POLK: variants seen among roughly 807,000 people sequenced by gnomAD.
POLK encodes polymerase (DNA directed) kappa.
Under a neutral mutation model 94.0 loss-of-function variants are expected in POLK, and 76 were observed. That is an observed-to-expected ratio of 0.81 (90% CI 0.67 to 0.98). The LOEUF (loss-of-function observed/expected upper bound fraction) is 0.98. POLK is among the 50% of genes least tolerant of loss of function. The pLI is 0.00. For missense variants in POLK, 954 were observed against 1,010.1 expected (o/e 0.94, Z 0.75); for synonymous variants, 349 against 325.4 (o/e 1.07, Z -0.78).
chr5:75,543,303 G>T (rs143793252), intron 1 of POLK, among the ~76,000 whole-genome samples: 3 of 152,132 alleles, frequency 2.0e-5, no homozygotes, highest in Non-Finnish European at 2.9e-5. Context: ...GCCTCCCAAA[G>T]TGCTGGGATT....
the POLK span, among the ~76,000 whole-genome samples, chr5:75,608,296 C>T: frequency 6.6e-6 from 1 of 152,052 alleles, no homozygotes; most frequent in African/African-American, 2.4e-5. Context: ...GTGGCTCAGG[C>T]CATACTCCCA....
Position 75,525,679 on chromosome 5 carries a change from A to G in POLK, c.-14+13765A>G, listed in dbSNP as rs574042115. Reference sequence around the variant, plus strand: ...GGAAAACATACATAGAGGAACAACAATTTGAGTGATCATGGCCTTAGCAGA... The same window carrying G: ...GGAAAACATACATAGAGGAACAACAGTTTGAGTGATCATGGCCTTAGCAGA... On this transcript the variant is annotated intron_variant, in intron 1 of 14. Coordinates refer to ENST00000241436, the Ensembl canonical transcript of POLK. Among the ~76,000 whole-genome samples the G allele has an allele frequency of 1.6e-4, 25 of 152,362 alleles. 1 individual carries two copies. The South Asian group carries it at 4.8e-3, about 29-fold the overall frequency.
rs58797043 is a variant in POLK at position 75,527,502 on chromosome 5, TACACACACACAC to T, written c.-14+15616_-14+15627del. Among the ~76,000 whole-genome samples, 138 of 133,028 alleles carry T rather than the reference TACACACACACAC, an allele frequency of 1.0e-3. 1 individual carries two copies. Among genetic ancestry groups the T allele is most frequent in the Admixed American group, 4.2e-3 (55 of 13,192 alleles). The allele number at this position is 133,028 out of a possible 152,430, so 87.3% of individuals were successfully genotyped here. On this transcript the variant is annotated intron_variant, in intron 1 of 14. Coordinates refer to ENST00000241436, the Ensembl canonical transcript of POLK. ...CTCAAAAAAAAAAAAAATTTATATA[TACACACACACAC>T]ACACACACACACACACACACACACA...
At chr5:75,572,541 C>G (rs1306643517) in intron 4 of POLK, among the ~76,000 whole-genome samples, 1 of 152,118 alleles carries the variant, frequency 6.6e-6, no homozygotes, top group Admixed American at 6.6e-5. Context: ...ACTTACCATA[C>G]TATTACTTTC....
rs374596608 is a variant in POLK, at chr5:75,549,270, T to C, written c.135+2113T>C. Reference sequence around the variant, plus strand: ...ATGTCCCTATCTATCTGATCCTCCCTCTCTATTCTCTGTGACCCAGTACAA... The same window carrying C: ...ATGTCCCTATCTATCTGATCCTCCCCCTCTATTCTCTGTGACCCAGTACAA... On this transcript the variant is annotated intron_variant, in intron 2 of 14. Transcript: ENST00000241436. Among the ~76,000 whole-genome samples, 25 of 152,208 alleles carry C rather than the reference T, an allele frequency of 1.6e-4. No homozygotes were observed. The East Asian group carries it at 2.5e-3, about 15-fold the overall frequency.
chr5:75,568,581 TTTAAAGA>T, intron 3 of POLK: 1 of 218,660 alleles, frequency 4.6e-6, no homozygotes, highest in South Asian at 4.9e-5. Context: ...ACTAAAATTC[TTTAAAGA>T]TTAAGAATCT....
At chr5:75,598,552 C>G (rs919110030) in exon 15 of POLK, 1 of 152,374 alleles carries the variant, frequency 6.6e-6, no homozygotes, top group South Asian at 2.1e-4. Context: ...TGGTTTTTGC[C>G]TAAAATATAA....
At chr5:75,594,231 C>T (rs769602910) in intron 12 of POLK, among the ~76,000 whole-genome samples, 182 bp downstream of exon 12, 1 of 152,118 alleles carries the variant, frequency 6.6e-6, no homozygotes, top group Non-Finnish European at 1.5e-5. Flanking sequence ...GGTTACATCC[C>T]GATAAACCCA....
chr5:75,515,767 C>G (rs1459371866), intron 1 of POLK, among the ~76,000 whole-genome samples: 1 of 152,146 alleles, frequency 6.6e-6, no homozygotes, highest in East Asian at 1.9e-4. Flanking sequence ...TTGCCACCAT[C>G]CATTATTCTC....
upstream of POLK, chr5:75,511,669 C>A (rs1580883519): frequency 6.6e-7 from 1 of 1,521,258 alleles, no homozygotes; most frequent in Non-Finnish European, 8.8e-7. Flanking sequence ...CCTTCGTCCT[C>A]CCATTCTCCC....
chr5:75,569,104 A>G (rs1429843077), intron 3 of POLK, among the ~76,000 whole-genome samples: 5 of 152,328 alleles, frequency 3.3e-5, no homozygotes, highest in South Asian at 2.1e-4. Flanking sequence ...AATACAATAT[A>G]CATAGATAAA....
At chr5:75,511,906 A>G in exon 1 of POLK, 1 of 1,341,618 alleles carries the variant, frequency 7.5e-7, no homozygotes, top group East Asian at 2.6e-5. Flanking sequence ...CGCGATCCTG[A>G]GGTAACGGGT....
At chr5:75,561,350 G>A (rs1269931505) in intron 3 of POLK, among the ~76,000 whole-genome samples, 1 of 152,116 alleles carries the variant, frequency 6.6e-6, no homozygotes, top group Non-Finnish European at 1.5e-5. Flanking sequence ...TTTTGATGGG[G>A]TTGTTTGGTT....
intron 3 of POLK, among the ~76,000 whole-genome samples, chr5:75,568,441 A>G (rs1291999698): frequency 6.6e-6 from 1 of 152,202 alleles, no homozygotes; most frequent in Admixed American, 6.5e-5. Flanking sequence ...GAGGCCGGCC[A>G]CAAAAATGGA....
At chr5:75,593,734 T>G (rs975176066) in intron 11 of POLK, 144 bp from the exon 12 acceptor site, 2 of 481,056 alleles carry the variant, frequency 4.2e-6, no homozygotes, top group African/African-American at 4.0e-5. Flanking sequence ...TCTTAGCTAC[T>G]CAGGAGGCTG....
chr5:75,584,677 A>C, intron 8 of POLK, 83 bp from the exon 9 acceptor site: 1 of 853,374 alleles, frequency 1.2e-6, no homozygotes, highest in South Asian at 2.0e-5. Context: ...ATCTCAAAAA[A>C]AAAAAAAGTG....
downstream of POLK, chr5:75,601,162 A>G (rs1404740665): frequency 6.6e-6 from 1 of 152,194 alleles, no homozygotes; most frequent in Non-Finnish European, 1.5e-5. Flanking sequence ...CGTTAACAAG[A>G]TGATATTTTC....
exon 13 of POLK, chr5:75,596,896 T>C (rs1287241088): frequency 6.8e-6 from 11 of 1,613,498 alleles, no homozygotes; most frequent in Non-Finnish European, 9.3e-6. Flanking sequence ...CCCAAGCAAG[T>C]CTTTTAATAT....
intron 3 of POLK, 127 bp downstream of exon 3, chr5:75,552,718 A>T: frequency 1.0e-6 from 1 of 965,434 alleles, no homozygotes; most frequent in South Asian, 1.8e-5. Flanking sequence ...AAGCATACAT[A>T]TTCAGCAAAT....
Sources: allele counts gnomAD v4.1 joint callset (sites outside exome capture counted in the v4.1 genomes callset), GRCh38; gene constraint gnomAD v4.1.1; transcripts MANE v1.5; gene names NCBI Gene and HGNC (gene_info 2026-07-23, HGNC 2026-07-21).